CTTN: variants seen among roughly 807,000 people sequenced by gnomAD.
CTTN encodes cortactin.
A neutral mutation model predicts 84.0 loss-of-function variants in CTTN; 28 were observed. The ratio of observed to expected loss-of-function variants is 0.33; its 90% CI spans 0.25 to 0.46. The LOEUF is 0.46. CTTN is among the 20% of genes least tolerant of loss of function. The pLI, the probability that CTTN is intolerant of heterozygous loss-of-function variation, is 1.00. For missense variants in CTTN, 641 were observed against 723.8 expected (o/e 0.89, Z 1.31); for synonymous variants, 301 against 288.8 (o/e 1.04, Z -0.43).
intron 4 of CTTN, 27 bp downstream of exon 4, chr11:70,407,618 G>T: frequency 6.2e-7 from 1 of 1,605,840 alleles, no homozygotes; most frequent in East Asian, 2.2e-5. Context: ...CCACCCTCCC[G>T]AGGGCCCCTC....
At chr11:70,409,028 T>G (rs988488768) in intron 4 of CTTN, among the ~76,000 whole-genome samples, 2 of 152,186 alleles carry the variant, frequency 1.3e-5, no homozygotes, top group African/African-American at 4.8e-5. Flanking sequence ...ACATGGGGAA[T>G]AAGCCCATTC....
At chr11:70,415,771 G>C (rs1470235091) in intron 7 of CTTN, 54 bp downstream of exon 7, 1 of 1,572,520 alleles carries the variant, frequency 6.4e-7, no homozygotes, top group African/African-American at 1.4e-5. Flanking sequence ...GATGGGGAGA[G>C]TCACAGCCAC....
In CTTN at chr11:70,425,336, C is replaced by A; in HGVS notation, c.962C>A (p.Ala321Glu). ...GVQKDRMDKN[A>E]STFEDVTQVS... ...GCCCATGTCCTGTCTCTGCAGAATGCGTCAACCTTTGAGGATGTCACCCAG... is the reference window on the plus strand; with the variant it reads ...GCCCATGTCCTGTCTCTGCAGAATGAGTCAACCTTTGAGGATGTCACCCAG... The change falls in exon 13 of 18, where the codon GCG becomes GAG. Residue 321 changes from alanine (A) to glutamate (E), a missense_variant. Coordinates refer to ENST00000301843, the MANE Select transcript of CTTN (RefSeq NM_005231.4). 2 of 1,611,708 alleles carry A rather than the reference C, an allele frequency of 1.2e-6. No homozygotes were observed. Among genetic ancestry groups the A allele is most frequent in the South Asian group, 1.1e-5 (1 of 90,316 alleles).
intron 5 of CTTN, among the ~76,000 whole-genome samples, chr11:70,411,857 A>C (rs1359346714): frequency 1.3e-5 from 2 of 152,064 alleles, no homozygotes; most frequent in Non-Finnish European, 2.9e-5. Flanking sequence ...TGTCCTTCCC[A>C]GGGAGACTCC....
intron 13 of CTTN, among the ~76,000 whole-genome samples, chr11:70,427,793 T>G (rs2058315774): frequency 6.6e-6 from 1 of 152,256 alleles, no homozygotes; most frequent in Admixed American, 6.5e-5. Flanking sequence ...TCACATTTGC[T>G]GTCATCATCT....
At chr11:70,419,904 C>T in intron 9 of CTTN, 48 bp downstream of exon 9, 1 of 1,413,416 alleles carries the variant, frequency 7.1e-7, no homozygotes, top group Non-Finnish European at 9.9e-7. Context: ...AGTAATGTGA[C>T]AGGTGGTAGC....
rs182175478 is a variant in CTTN at position 70,404,452 on chromosome 11, C to T, written c.-97-813C>T. Among the ~76,000 whole-genome samples the T allele has an allele frequency of 1.1e-3, 166 of 152,228 alleles. 2 individuals carry two copies. The highest frequency in any genetic ancestry group is 1.4e-3 in the Non-Finnish European group (94 of 68,006). On this transcript the variant is annotated intron_variant, in intron 1 of 17. Coordinates refer to ENST00000301843, the MANE Select transcript of CTTN (RefSeq NM_005231.4). ...GTGTACGTTCATTAGGAATGCAGCC[C>T]GCCTCCTCCTCGGCTCTCCAGCTGC... is the stretch of plus-strand genomic sequence containing the variant.
intron 4 of CTTN, among the ~76,000 whole-genome samples, chr11:70,409,119 G>A (rs1415723732): frequency 6.6e-6 from 1 of 152,082 alleles, no homozygotes; most frequent in Non-Finnish European, 1.5e-5. Context: ...CGGTTTCCAA[G>A]CCTGGTTTGT....
intron 17 of CTTN, 114 bp from the exon 18 acceptor site, chr11:70,434,912 G>T (rs1303366710): frequency 7.9e-6 from 9 of 1,133,808 alleles, no homozygotes; most frequent in Non-Finnish European, 1.2e-5. Flanking sequence ...CCGCATCTCT[G>T]CAGGGGGCAT....
chr11:70,415,825 T>A, intron 7 of CTTN, 108 bp downstream of exon 7: 3 of 1,076,360 alleles, frequency 2.8e-6, no homozygotes, highest in Non-Finnish European at 4.3e-6. Flanking sequence ...ATGGGGAGAG[T>A]CACAGCCACC....
At chr11:70,422,691 C>T in intron 11 of CTTN, 3 of 1,437,202 alleles carry the variant, frequency 2.1e-6, no homozygotes, top group South Asian at 2.5e-5. Context: ...CCCCTCCTGC[C>T]CCTCCTGCCC....
chr11:70,417,275 G>A (rs1216824129), intron 8 of CTTN, 152 bp downstream of exon 8: 4 of 645,956 alleles, frequency 6.2e-6, no homozygotes, highest in African/African-American at 1.8e-5. Flanking sequence ...TTCCTAATTC[G>A]AATGGCTGCA....
chr11:70,430,948 G>A (rs529301520), intron 14 of CTTN, among the ~76,000 whole-genome samples: 9 of 151,968 alleles, frequency 5.9e-5, no homozygotes, highest in East Asian at 5.8e-4. Context: ...CCTGCCCCTC[G>A]GATCCTGCCT....
At chr11:70,433,343 C>T in intron 16 of CTTN, 65 bp downstream of exon 16, 2 of 1,480,468 alleles carry the variant, frequency 1.4e-6, no homozygotes, top group Non-Finnish European at 1.8e-6. Flanking sequence ...TCCTGCTCGA[C>T]CTGTGGCGTC....
In CTTN at chr11:70,419,053, G is replaced by A. The variant is rs146496820; in HGVS notation, c.569-693G>A. On this transcript the variant is annotated intron_variant, in intron 8 of 17. Coordinates refer to ENST00000301843, the MANE Select transcript of CTTN (RefSeq NM_005231.4). ...GCCTCCCAAAGTGCTGGGATTACAGGTGTGAGCCACTGTGTCCAGCCTCTG... is the reference window on the plus strand; with the variant it reads ...GCCTCCCAAAGTGCTGGGATTACAGATGTGAGCCACTGTGTCCAGCCTCTG... Among the ~76,000 whole-genome samples the A allele has an allele frequency of 3.2e-3, 486 of 151,108 alleles. 7 individuals are homozygous for A. The highest frequency in any genetic ancestry group is 0.011 in the African/African-American group (459 of 41,184).
At position 70,435,767 on chromosome 11, in the gene CTTN, G is replaced by GT. The variant is rs754813996; in HGVS notation, c.*612dup. On this transcript the variant is annotated 3_prime_UTR_variant, in exon 18 of 18. Transcript: ENST00000301843. The stretch of plus-strand genomic sequence containing the variant: ...CAGGTGACTTCTAGCAGAGACCCTG[G>GT]TTTTTTTCCTGTGCCCACTCCGGCT... 2.0e-5 allele frequency: 32 copies of GT among 1,595,010 alleles called. No homozygotes were observed. The highest frequency in any genetic ancestry group is 6.7e-5 in the Admixed American group (4 of 59,676).
rs777867052 is a variant in CTTN, at chr11:70,435,648, T to C, written c.*486T>C. On this transcript the variant is annotated 3_prime_UTR_variant, in exon 18 of 18. Coordinates refer to ENST00000301843, the MANE Select transcript of CTTN (RefSeq NM_005231.4). ...CTGGGGAGGAGAGGACTGGGCCTGA[T>C]GGAAGTTAACCCGGAGCTAAGTCAC... is the stretch of plus-strand genomic sequence containing the variant. 6.3e-7 allele frequency: 1 copy of C among 1,596,164 alleles called. No homozygotes were observed. The highest frequency in any genetic ancestry group is 1.3e-5 in the African/African-American group (1 of 74,990).
At chr11:70,432,889 G>A (rs1178906063) in intron 15 of CTTN, among the ~76,000 whole-genome samples, 1 of 152,150 alleles carries the variant, frequency 6.6e-6, no homozygotes, top group East Asian at 1.9e-4. Context: ...TGAGGACCGG[G>A]TCATCATCGG....
chr11:70,404,724 C>T lies in CTTN; in HGVS notation c.-97-541C>T, dbSNP rs943484156. 1.4e-4 allele frequency among the ~76,000 whole-genome samples: 22 copies of T among 152,322 alleles called. No homozygotes were observed. The South Asian group carries it at 1.5e-3, about 10-fold the overall frequency. On this transcript the variant is annotated intron_variant, in intron 1 of 17. Coordinates refer to ENST00000301843, the MANE Select transcript of CTTN (RefSeq NM_005231.4). Reference sequence around the variant, plus strand: ...CATTCATAAGAAACATCATGTAGGCCGGGCGCCATGCCTCACACCTGTAAT... The same window carrying T: ...CATTCATAAGAAACATCATGTAGGCTGGGCGCCATGCCTCACACCTGTAAT...
Sources: allele counts gnomAD v4.1 joint callset (sites outside exome capture counted in the v4.1 genomes callset), GRCh38; gene constraint gnomAD v4.1.1; transcripts MANE v1.5; gene names NCBI Gene and HGNC (gene_info 2026-07-23, HGNC 2026-07-21).